The following CSMD3 variants were observed in gnomAD, a reference collection of about 807,000 sequenced individuals.
The protein encoded by CSMD3 is CUB and Sushi multiple domains 3.
Under a neutral mutation model 435.2 loss-of-function variants are expected in CSMD3, and 177 were observed. That is an observed-to-expected ratio of 0.41 (90% CI 0.36 to 0.46). The LOEUF is 0.46. Ranked by LOEUF, CSMD3 falls within the 20% of genes least tolerant of loss-of-function variation. CSMD3 has a pLI of 0.34. For missense variants in CSMD3, 4,265 were observed against 4,504.6 expected, an observed-to-expected ratio of 0.95 and a Z score of 1.52; for synonymous variants, 1,656 against 1,520.5, an observed-to-expected ratio of 1.09 and a Z score of -2.07.
chr8:112,448,755 TAAAAA>T (rs199998820), intron 32 of CSMD3, among the ~76,000 whole-genome samples: 5 of 127,204 alleles, frequency 3.9e-5, no homozygotes, highest in Non-Finnish European at 8.1e-5. Flanking sequence ...TACAATCTAT[TAAAAA>T]AAAAAAAAAA....
rs934543074 is a variant in CSMD3, at chr8:112,685,804, C to A, written c.2156-72G>T. ...ATATTTCATCTTATTTTGTCATATT[C>A]TACAATTATGATAATCAATTAGCAG... is the stretch of plus-strand genomic sequence containing the variant. On this transcript the variant is annotated intron_variant, in intron 14 of 70. Transcript: ENST00000297405. 9.3e-6 allele frequency: 9 copies of A among 969,708 alleles called. No homozygotes were observed. The South Asian group carries it at 9.5e-5, about 10-fold the overall frequency. 60.1% of individuals were successfully genotyped at this position (969,708 alleles called of 1,614,324 possible).
intron 32 of CSMD3, among the ~76,000 whole-genome samples, chr8:112,428,896 T>C (rs1296144502): frequency 6.6e-6 from 1 of 151,090 alleles, no homozygotes; most frequent in Non-Finnish European, 1.5e-5. Flanking sequence ...TTTTTTCTTT[T>C]TAATTAAATT....
At chr8:112,235,267 C>T (rs1215580076) in intron 67 of CSMD3, among the ~76,000 whole-genome samples, 2 of 152,022 alleles carry the variant, frequency 1.3e-5, no homozygotes, top group Non-Finnish European at 2.9e-5. Flanking sequence ...ACCTGTAGTC[C>T]CAGCTGCTCA....
At chr8:112,688,366 G>A (rs1056231776) in intron 14 of CSMD3, among the ~76,000 whole-genome samples, 2 of 152,038 alleles carry the variant, frequency 1.3e-5, no homozygotes, top group African/African-American at 4.8e-5. Flanking sequence ...AACTTAAGAT[G>A]ATACTTAAGC....
At chr8:112,505,201 T>C (rs1268316367) in intron 29 of CSMD3, among the ~76,000 whole-genome samples, 3 of 152,098 alleles carry the variant, frequency 2.0e-5, no homozygotes, top group Non-Finnish European at 2.9e-5. Context: ...CGTGAGAAAA[T>C]TGGGAGACCA....
intron 7 of CSMD3, among the ~76,000 whole-genome samples, 174 bp from the exon 8 acceptor site, chr8:112,954,935 A>T (rs928974663): frequency 6.6e-5 from 10 of 151,682 alleles, no homozygotes; most frequent in African/African-American, 2.2e-4. Context: ...TAGTAGTAAA[A>T]TACTAAGCAG....
In CSMD3 at chr8:113,153,076, AAAAG is replaced by A. The variant is rs757748243; in HGVS notation, c.709+20642_709+20645del. Among the ~76,000 whole-genome samples, 571 of 89,216 alleles carry A rather than the reference AAAAG, an allele frequency of 6.4e-3. 6 individuals carry two copies. Among genetic ancestry groups the A allele is most frequent in the Middle Eastern group, 0.019 (4 of 210 alleles). The allele number at this position is 89,216 out of a possible 152,430, so 58.5% of individuals were successfully genotyped here. Reference sequence around the variant, plus strand: ...AGAGAGAAAAAAGAAAAAAGAAAGAAAAAGAAAGAAAGAAAGAAAGAAAGAAAAG... The same window carrying A: ...AGAGAGAAAAAAGAAAAAAGAAAGAAAAAGAAAGAAAGAAAGAAAGAAAAG... On this transcript the variant is annotated intron_variant, in intron 4 of 70. Transcript: ENST00000297405.
intron 27 of CSMD3, among the ~76,000 whole-genome samples, chr8:112,530,538 T>C (rs987354209): frequency 6.6e-6 from 1 of 152,148 alleles, no homozygotes. Context: ...CCTGCCACCA[T>C]ACACGGTCAA....
chr8:113,424,911 C>T (rs78257111), intron 1 of CSMD3, among the ~76,000 whole-genome samples: 2,767 of 151,504 alleles, frequency 0.018, 96 homozygotes, highest in African/African-American at 0.061. Flanking sequence ...GATATTTACA[C>T]GGGAAGAAAA....
chr8:113,127,997 T>C (rs2091183508), intron 4 of CSMD3, among the ~76,000 whole-genome samples: 1 of 152,114 alleles, frequency 6.6e-6, no homozygotes, highest in African/African-American at 2.4e-5. Context: ...ATTGGGAAAG[T>C]TCTCTATTAT....
At chr8:112,498,583 CT>C (rs1472557142) in intron 30 of CSMD3, among the ~76,000 whole-genome samples, 1 of 152,122 alleles carries the variant, frequency 6.6e-6, no homozygotes, top group Non-Finnish European at 1.5e-5. Flanking sequence ...TTAGTACCAT[CT>C]ACCATTGGAT....
chr8:113,333,490 CTGTGCATGTCCAAA>C (rs1182481655), intron 1 of CSMD3, among the ~76,000 whole-genome samples: 2 of 151,854 alleles, frequency 1.3e-5, no homozygotes, highest in African/African-American at 4.8e-5. Context: ...TTTTGCTTTC[CTGTGCATGTCCAAA>C]TGATCCAGCA....
At chr8:112,463,576 T>C (rs887097648) in intron 32 of CSMD3, among the ~76,000 whole-genome samples, 2 of 152,206 alleles carry the variant, frequency 1.3e-5, no homozygotes, top group African/African-American at 4.8e-5. Context: ...TATCACAGTT[T>C]TAACCAATCT....
intron 3 of CSMD3, among the ~76,000 whole-genome samples, chr8:113,205,144 C>T (rs919386272): frequency 2.6e-5 from 4 of 151,940 alleles, no homozygotes; most frequent in African/African-American, 4.8e-5. Context: ...TCACCCTGCC[C>T]GGCTAATTTT....
At chr8:112,835,449 C>T (rs1245915453) in intron 11 of CSMD3, among the ~76,000 whole-genome samples, 1 of 151,806 alleles carries the variant, frequency 6.6e-6, no homozygotes, top group Admixed American at 6.6e-5. Flanking sequence ...CCCTAAAAGT[C>T]TATGTTGTGT....
chr8:113,073,486 C>G (rs567271407), intron 5 of CSMD3, among the ~76,000 whole-genome samples: 1 of 151,904 alleles, frequency 6.6e-6, no homozygotes, highest in African/African-American at 2.4e-5. Context: ...ACCCCCTGCA[C>G]ATGTAGGTGT....
At chr8:112,345,028 AT>A (rs1268876761) in intron 41 of CSMD3, among the ~76,000 whole-genome samples, 3 of 152,280 alleles carry the variant, frequency 2.0e-5, no homozygotes, top group Non-Finnish European at 2.9e-5. Context: ...TACATATCTA[AT>A]TCAGGGTATA....
chr8:112,859,077 T>C (rs1041688462), intron 11 of CSMD3, 68 bp downstream of exon 11: 2 of 1,446,078 alleles, frequency 1.4e-6, no homozygotes, highest in Admixed American at 3.4e-5. Context: ...GCATGTTCCG[T>C]ATTATTTCTT....
At chr8:112,881,676 C>T (rs1448773472) in intron 10 of CSMD3, among the ~76,000 whole-genome samples, 2 of 152,056 alleles carry the variant, frequency 1.3e-5, no homozygotes, top group Non-Finnish European at 2.9e-5. Flanking sequence ...AATAGCCAAC[C>T]GTTTCCCAAA....
Sources: gnomAD v4.1 joint callset for allele counts (sites outside exome capture counted in the v4.1 genomes callset) on GRCh38, gnomAD v4.1.1 for gene constraint, MANE v1.5 for transcripts, NCBI Gene and HGNC (gene_info 2026-07-23, HGNC 2026-07-21) for gene names.